Variants in DPP6 observed in about 807,000 individuals in gnomAD.
The protein encoded by DPP6 is A-type potassium channel modulatory protein DPP6.
Under a neutral mutation model 122.6 loss-of-function variants are expected in DPP6, and 69 were observed. The observed-to-expected ratio is 0.56, with a 90% CI of 0.46 to 0.69. The LOEUF (loss-of-function observed/expected upper bound fraction) is 0.69. Ranked by LOEUF, DPP6 falls within the 30% of genes least tolerant of loss-of-function variation. The probability of loss-of-function intolerance (pLI) is 0.00; values close to 1 mark genes in which losing one functional copy is unlikely to be tolerated. For synonymous variants in DPP6, 418 were observed against 433.1 expected (o/e 0.97, Z 0.43); for missense variants, 928 against 1,116.9 (o/e 0.83, Z 2.41).
At chr7:153,985,778 C>A (rs1484680190) in intron 1 of DPP6, among the ~76,000 whole-genome samples, 4 of 152,092 alleles carry the variant, frequency 2.6e-5, no homozygotes, top group African/African-American at 9.7e-5. Context: ...TGGGATTTGG[C>A]AATTTGGGAT....
chr7:154,130,599 C>A (rs561873283), intron 1 of DPP6, among the ~76,000 whole-genome samples: 3 of 152,290 alleles, frequency 2.0e-5, no homozygotes, highest in South Asian at 2.1e-4. Context: ...TGGCACTGAT[C>A]TAGGGCTCAG....
In DPP6 at chr7:154,864,370, A is replaced by G. The variant is rs1374711045; in HGVS notation, c.1715-3625A>G. Among the ~76,000 whole-genome samples the G allele has an allele frequency of 1.5e-3, 233 of 152,304 alleles. 1 individual carries two copies. The highest frequency in any genetic ancestry group is 1.6e-4 in the Non-Finnish European group (11 of 68,022). ...ACACCACGACCTGCCCATGGGACGC[A>G]GCGAGGGAAGCAGCCTCATGAGCAG... is the stretch of plus-strand genomic sequence containing the variant. On this transcript the variant is annotated intron_variant, in intron 17 of 25. Transcript: ENST00000377770.
intron 8 of DPP6, among the ~76,000 whole-genome samples, chr7:154,768,999 T>C (rs532907225): frequency 2.0e-5 from 3 of 152,332 alleles, no homozygotes; most frequent in Non-Finnish European, 2.9e-5. Flanking sequence ...TGGTTCCGTC[T>C]GCATGGGACA....
rs755543207 is a variant in DPP6, at chr7:154,807,067, G to T, written c.1621G>T (p.Ala541Ser). The stretch of plus-strand genomic sequence containing the variant: ...GGTTGAGAACTGCACCTACTTCAGC[G>T]CTTCCTTCAGCCATAGCATGGACTT... ...DLVENCTYFS[A>S]SFSHSMDFFL... The change falls in exon 16 of 26, where the codon GCT becomes TCT. Residue 541 changes from alanine to serine, a missense_variant. Coordinates refer to ENST00000377770, the MANE Select transcript of DPP6 (RefSeq NM_130797.4). 1.2e-5 allele frequency: 19 copies of T among 1,613,740 alleles called. No homozygotes were observed. In the Admixed American group the frequency reaches 3.0e-4, roughly 25 times the overall value.
chr7:154,732,578 A>G lies in DPP6; in HGVS notation c.883+4691A>G, dbSNP rs530827786. 3.9e-5 allele frequency among the ~76,000 whole-genome samples: 6 copies of G among 152,260 alleles called. No homozygotes were observed. In the East Asian group the frequency reaches 1.2e-3, roughly 29 times the overall value. ...TCCCCTCAAAGGGCAGTGGAGGTAG[A>G]GTGAGGGATGATGAACTCGAGAAGA... On this transcript the variant is annotated intron_variant, in intron 8 of 25. Transcript: ENST00000377770.
intron 3 of DPP6, among the ~76,000 whole-genome samples, chr7:154,509,258 A>G (rs1431840187): frequency 2.0e-5 from 3 of 152,246 alleles, no homozygotes; most frequent in African/African-American, 7.2e-5. Flanking sequence ...TATCCAGACT[A>G]TATAAGAATG....
At chr7:154,370,589 T>G (rs1812573137) in intron 1 of DPP6, among the ~76,000 whole-genome samples, 1 of 152,226 alleles carries the variant, frequency 6.6e-6, no homozygotes, top group Non-Finnish European at 1.5e-5. Context: ...AACCTTTATC[T>G]TTTTTGAAAA....
At chr7:153,783,455 C>T in the DPP6 span, among the ~76,000 whole-genome samples, 1 of 152,188 alleles carries the variant, frequency 6.6e-6, no homozygotes, top group African/African-American at 2.4e-5. Context: ...CACCTGGTCT[C>T]ACCCTTGACA....
intron 5 of DPP6, among the ~76,000 whole-genome samples, chr7:154,609,165 G>T (rs73485723): frequency 6.6e-6 from 1 of 151,926 alleles, no homozygotes; most frequent in Non-Finnish European, 1.5e-5. Context: ...CCCTTATTTC[G>T]CACTTTACGT....
chr7:154,105,086 C>T (rs1242955856), intron 1 of DPP6, among the ~76,000 whole-genome samples: 2 of 152,230 alleles, frequency 1.3e-5, no homozygotes, highest in Admixed American at 1.3e-4. Flanking sequence ...ATGATTTCAC[C>T]ACTGCACTCC....
chr7:153,783,069 AAGG>A, the DPP6 span, among the ~76,000 whole-genome samples: 1 of 152,230 alleles, frequency 6.6e-6, no homozygotes, highest in Non-Finnish European at 1.5e-5. Flanking sequence ...TTCGCTGAAC[AAGG>A]AGAAGCAGGG....
chr7:154,610,971 A>G (rs373213811), intron 5 of DPP6, among the ~76,000 whole-genome samples: 7 of 152,300 alleles, frequency 4.6e-5, no homozygotes, highest in African/African-American at 1.7e-4. Flanking sequence ...CACTCTCAGT[A>G]TAAATGGTAT....
At chr7:153,958,972 G>C (rs1355105386) in intron 1 of DPP6, among the ~76,000 whole-genome samples, 2 of 152,090 alleles carry the variant, frequency 1.3e-5, no homozygotes, top group Non-Finnish European at 2.9e-5. Context: ...CTGCTTGGCA[G>C]AGCACGCCGT....
chr7:154,184,264 A>G (rs1003417745), intron 1 of DPP6, among the ~76,000 whole-genome samples: 2 of 151,492 alleles, frequency 1.3e-5, no homozygotes, highest in Admixed American at 1.3e-4. Context: ...GAGGTAAGAA[A>G]AAGAATGTAG....
intron 16 of DPP6, among the ~76,000 whole-genome samples, chr7:154,844,999 C>T (rs920101298): frequency 7.9e-5 from 12 of 152,276 alleles, no homozygotes; most frequent in Non-Finnish European, 1.2e-4. Context: ...TCCCTATGTA[C>T]GAACAGAGAG....
rs567375587 is a variant in DPP6, at chr7:154,374,109, C to T, written c.244-72105C>T. Among the ~76,000 whole-genome samples the T allele has an allele frequency of 9.2e-5, 14 of 152,302 alleles. No homozygotes were observed. In the East Asian group the frequency reaches 2.1e-3, roughly 23 times the overall value. ...CTAACCCTGTCACGTTGCTGTGTCA[C>T]GCCATCAGGCTCTTAATGAGAGCAC... On this transcript the variant is annotated intron_variant, in intron 1 of 25. Transcript: ENST00000377770.
In DPP6 at chr7:154,624,312, G is replaced by A. The variant is rs1834926713; in HGVS notation, c.628-13509G>A. Among the ~76,000 whole-genome samples, 1 of 135,322 alleles carries A rather than the reference G, an allele frequency of 7.4e-6. No individual in the cohort carries two copies. Among genetic ancestry groups the A allele is most frequent in the Admixed American group, 7.9e-5 (1 of 12,594 alleles). 88.8% of individuals were successfully genotyped at this position (135,322 alleles called of 152,430 possible). On this transcript the variant is annotated intron_variant, in intron 5 of 25. Coordinates refer to ENST00000377770, the MANE Select transcript of DPP6 (RefSeq NM_130797.4). This position sits in a 1 kb window ranked among gnomAD's most constrained non-coding sequence, Gnocchi z 4.7. ...ACTGCACTCCAGCCAGGGCGACAGAGTGAGACTCCATCTTAAAAAAAAAAA... is the reference window on the plus strand; with the variant it reads ...ACTGCACTCCAGCCAGGGCGACAGAATGAGACTCCATCTTAAAAAAAAAAA...
chr7:154,617,459 T>C (rs781085390), intron 5 of DPP6, among the ~76,000 whole-genome samples: 6 of 152,172 alleles, frequency 3.9e-5, no homozygotes, highest in South Asian at 4.1e-4. Context: ...ATTGTGCGAA[T>C]AGGTCATATC....
At chr7:154,416,976 C>G (rs1172302567) in intron 1 of DPP6, among the ~76,000 whole-genome samples, 1 of 152,152 alleles carries the variant, frequency 6.6e-6, no homozygotes, top group Non-Finnish European at 1.5e-5. Flanking sequence ...TACAGTTTCA[C>G]CTTGCTTACC....
Sources: allele counts gnomAD v4.1 joint callset (sites outside exome capture counted in the v4.1 genomes callset), GRCh38; gene constraint gnomAD v4.1.1; non-coding constraint Gnocchi (gnomAD v3.1); transcripts MANE v1.5; gene names NCBI Gene and HGNC (gene_info 2026-07-23, HGNC 2026-07-21).